The following SLC9A5 variants were observed in gnomAD, a reference collection of about 807,000 sequenced individuals.
The protein encoded by SLC9A5 is solute carrier family 9 member A5.
Under a neutral mutation model 91.7 loss-of-function variants are expected in SLC9A5, and 52 were observed. The ratio of observed to expected loss-of-function variants is 0.57; its 90% CI spans 0.45 to 0.71. The LOEUF (loss-of-function observed/expected upper bound fraction) is 0.71, where lower values mean the gene tolerates loss of function less well. Ranked by LOEUF, SLC9A5 falls within the 30% of genes least tolerant of loss-of-function variation. The pLI, the probability that SLC9A5 is intolerant of heterozygous loss-of-function variation, is 0.00. For synonymous variants in SLC9A5, 419 were observed against 474.5 expected, an observed-to-expected ratio of 0.88 and a Z score of 1.52; for missense variants, 871 against 1,158.9, an observed-to-expected ratio of 0.75 and a Z score of 3.61.
chr16:67,264,287 G>A, intron 12 of SLC9A5, 65 bp from the exon 13 acceptor site: 1 of 1,455,336 alleles, frequency 6.9e-7, no homozygotes, highest in Non-Finnish European at 9.6e-7. Flanking sequence ...TGGGGCTGTG[G>A]CCTGGGGTTC....
At chr16:67,266,594 G>A (rs1395933993) in intron 15 of SLC9A5, among the ~76,000 whole-genome samples, 1 of 152,066 alleles carries the variant, frequency 6.6e-6, no homozygotes, top group African/African-American at 2.4e-5. Context: ...AGGCTGGAGT[G>A]CAGTGGTGCG....
intron 14 of SLC9A5, 31 bp downstream of exon 14, chr16:67,265,137 G>A (rs1397765709): frequency 6.2e-7 from 1 of 1,606,936 alleles, no homozygotes; most frequent in Non-Finnish European, 8.5e-7. Context: ...GATTGAGGAT[G>A]GGAGGGAGGA....
intron 1 of SLC9A5, among the ~76,000 whole-genome samples, chr16:67,250,937 T>A (rs6499121): frequency 0.22 from 34,055 of 152,162 alleles, 8,285 homozygotes; most frequent in African/African-American, 0.61. Context: ...TAGGAGTGGC[T>A]ATAGTGCTAG....
At chr16:67,249,849 T>A (rs971004483) in intron 1 of SLC9A5, among the ~76,000 whole-genome samples, 1 of 152,200 alleles carries the variant, frequency 6.6e-6, no homozygotes, top group African/African-American at 2.4e-5. Context: ...CTACCCTAGA[T>A]GCTTTCATAC....
intron 15 of SLC9A5, among the ~76,000 whole-genome samples, chr16:67,269,205 C>T (rs1567422144): frequency 6.6e-6 from 1 of 152,044 alleles, no homozygotes; most frequent in Non-Finnish European, 1.5e-5. Context: ...GTGCAGATCA[C>T]CTGAGGTCAG....
rs373439039 is a variant in SLC9A5, at chr16:67,252,449, CAA to C, written c.188-81_188-80del. The C allele has an allele frequency of 3.8e-4, 357 of 930,780 alleles. No individual in the cohort carries two copies. Among genetic ancestry groups the C allele is most frequent in the Non-Finnish European group, 4.6e-4 (302 of 652,168 alleles). 57.7% of individuals were successfully genotyped at this position (930,780 alleles called of 1,614,324 possible). A position where few individuals can be genotyped will look rare whatever the true frequency, so the allele number is the denominator to read the frequency against. On this transcript the variant is annotated intron_variant, in intron 1 of 15. Transcript: ENST00000299798. The surrounding 1 kb of genome is among the most constrained non-coding windows in gnomAD (Gnocchi z 4.0). Reference sequence around the variant, plus strand: ...TGGGCAACAGAGTGAGACTTCATCTCAAAAAAAAAAAAACAAAACTGGGAGTT... The same window carrying C: ...TGGGCAACAGAGTGAGACTTCATCTCAAAAAAAAAAACAAAACTGGGAGTT...
chr16:67,250,287 TG>T (rs1488127870), intron 1 of SLC9A5, among the ~76,000 whole-genome samples: 1 of 152,038 alleles, frequency 6.6e-6, no homozygotes, highest in African/African-American at 2.4e-5. Context: ...GGTTCTGTGA[TG>T]GGGCTTGGAT....
intron 15 of SLC9A5, among the ~76,000 whole-genome samples, chr16:67,266,983 G>T (rs1440894314): frequency 6.8e-6 from 1 of 147,780 alleles, no homozygotes; most frequent in African/African-American, 2.5e-5. Flanking sequence ...CATGATCATG[G>T]CTCACTGCAG....
Position 67,255,249 on chromosome 16 carries a change from C to T in SLC9A5, c.654+65C>T, listed in dbSNP as rs1432487464. ...CTGCATGCTCTGACCAACTAGGGGT[C>T]TGCGCAGACTCAGTCCCTTCCCTTG... On this transcript the variant is annotated intron_variant, in intron 3 of 15. Coordinates refer to ENST00000299798, the MANE Select transcript of SLC9A5 (RefSeq NM_004594.3). The surrounding 1 kb of genome is among the most constrained non-coding windows in gnomAD (Gnocchi z 4.9). 6.4e-7 allele frequency: 1 copy of T among 1,572,384 alleles called. No homozygotes were observed. Among genetic ancestry groups the T allele is most frequent in the Admixed American group, 1.7e-5 (1 of 58,722 alleles).
At chr16:67,259,315 G>T (rs892695508) in intron 10 of SLC9A5, among the ~76,000 whole-genome samples, 7 of 126,424 alleles carry the variant, frequency 5.5e-5, no homozygotes, top group African/African-American at 9.5e-5. Context: ...AATGAGCCGA[G>T]ATCGTGTCAC....
intron 15 of SLC9A5, 117 bp downstream of exon 15, chr16:67,266,342 C>A: frequency 1.9e-6 from 2 of 1,030,496 alleles, no homozygotes; most frequent in Non-Finnish European, 2.8e-6. Context: ...ATTCATCAGC[C>A]AGCATTTGCA....
intron 1 of SLC9A5, among the ~76,000 whole-genome samples, chr16:67,251,662 C>T (rs1414949986): frequency 6.6e-6 from 1 of 152,138 alleles, no homozygotes. Flanking sequence ...GATCTGCCCA[C>T]TTTGGCCTCC....
In SLC9A5 at chr16:67,256,876, A is replaced by G. The variant is rs1272902186; in HGVS notation, c.1133-35A>G. On this transcript the variant is annotated intron_variant, in intron 6 of 15. Transcript: ENST00000299798. This position sits in a 1 kb window ranked among gnomAD's most constrained non-coding sequence, Gnocchi z 4.1. ...TCCGGTCCCACGTCCTCCACTCCCA[A>G]CGCTTTGCTCCCACTGGCCTCCCTC... 1.2e-6 allele frequency: 2 copies of G among 1,606,034 alleles called. No homozygotes were observed. Among genetic ancestry groups the G allele is most frequent in the Non-Finnish European group, 1.7e-6 (2 of 1,174,674 alleles).
chr16:67,259,563 A>G lies in SLC9A5; in HGVS notation c.1627-10A>G. ...TGATTGCTGGCTGACCTTGGTCTTG[A>G]CACCTGCAGGGAGGCCACGTCTTGT... On this transcript the variant is annotated splice_polypyrimidine_tract_variant and intron_variant, in intron 10 of 15. Coordinates refer to ENST00000299798, the MANE Select transcript of SLC9A5 (RefSeq NM_004594.3). The G allele has an allele frequency of 6.2e-7, 1 of 1,612,632 alleles. No homozygotes were observed. The highest frequency in any genetic ancestry group is 8.5e-7 in the Non-Finnish European group (1 of 1,178,818).
intron 1 of SLC9A5, among the ~76,000 whole-genome samples, chr16:67,251,658 C>T (rs1186973812): frequency 6.6e-6 from 1 of 152,002 alleles, no homozygotes; most frequent in African/African-American, 2.4e-5. Flanking sequence ...AGGTGATCTG[C>T]CCACTTTGGC....
chr16:67,268,439 C>A (rs1192853710), intron 15 of SLC9A5, among the ~76,000 whole-genome samples: 1 of 149,198 alleles, frequency 6.7e-6, no homozygotes, highest in African/African-American at 2.5e-5. Context: ...CCACTCCACC[C>A]GGCCTCAGAT....
rs765240467 is a variant in SLC9A5, at chr16:67,255,467, A to T, written c.729A>T (p.Gly243=). ...TGCAGGCCACTGACTACCTGAAGGG[A>T]GTCGGTCAGTATTTCCCCGCTCCCA... ...ANVQATDYLK[G]VASLFVVSLG... is the part of the protein sequence containing the mutation. Residue 243 remains glycine, a synonymous_variant, in exon 4 of 16, where the codon GGA becomes GGT. Coordinates refer to ENST00000299798, the MANE Select transcript of SLC9A5 (RefSeq NM_004594.3). This position sits in a 1 kb window ranked among gnomAD's most constrained non-coding sequence, Gnocchi z 4.9. The T allele has an allele frequency of 6.2e-7, 1 of 1,613,930 alleles. No individual in the cohort carries two copies. Among genetic ancestry groups the T allele is most frequent in the Non-Finnish European group, 8.5e-7 (1 of 1,179,948 alleles).
Position 67,257,041 on chromosome 16 carries a change from G to A in SLC9A5, c.1263G>A (p.Arg421=), listed in dbSNP as rs373666711. ...TTGCTCTCGTCATCCTACTGGATAG[G>A]ACCAAGGTCCCTGCCAAGGACTACT... ...VAFALVILLD[R]TKVPAKDYFV... Residue 421 remains arginine, a synonymous_variant, in exon 7 of 16, where the codon AGG becomes AGA. Transcript: ENST00000299798. This position sits in a 1 kb window ranked among gnomAD's most constrained non-coding sequence, Gnocchi z 5.1. 3 of 1,613,718 alleles carry A rather than the reference G, an allele frequency of 1.9e-6. No individual in the cohort carries two copies. Among genetic ancestry groups the A allele is most frequent in the Non-Finnish European group, 2.5e-6 (3 of 1,180,020 alleles).
chr16:67,270,650 A>C lies in SLC9A5; in HGVS notation c.2219-88A>C. On this transcript the variant is annotated intron_variant, in intron 15 of 15. Coordinates refer to ENST00000299798, the MANE Select transcript of SLC9A5 (RefSeq NM_004594.3). The surrounding 1 kb of genome is among the most constrained non-coding windows in gnomAD (Gnocchi z 4.3). The stretch of plus-strand genomic sequence containing the variant: ...AATCGCAAAAATGGACGGCATATGG[A>C]AACTGTGGCATGAATTTATAAGAAT... 1 of 980,270 alleles carries C rather than the reference A, an allele frequency of 1.0e-6. No individual in the cohort carries two copies. The highest frequency in any genetic ancestry group is 1.8e-5 in the South Asian group (1 of 55,992). 60.7% of individuals were successfully genotyped at this position (980,270 alleles called of 1,614,324 possible).
Sources: gnomAD v4.1 joint callset for allele counts (sites outside exome capture counted in the v4.1 genomes callset) on GRCh38, gnomAD v4.1.1 for gene constraint, Gnocchi (gnomAD v3.1) non-coding constraint, MANE v1.5 for transcripts, NCBI Gene and HGNC (gene_info 2026-07-23, HGNC 2026-07-21) for gene names.